Variants in LY9 observed in about 807,000 individuals in gnomAD.
LY9 encodes the protein lymphocyte antigen 9.
LY9 carries 59 observed loss-of-function variants against 64.6 expected under a neutral mutation model. That is an observed-to-expected ratio of 0.91 (90% CI 0.74 to 1.13). The LOEUF (loss-of-function observed/expected upper bound fraction) is 1.13, where lower values mean the gene tolerates loss of function less well. Among genes scored for constraint, LY9 ranks in the 50% most tolerant of loss-of-function variants. The pLI is 0.00. For synonymous variants in LY9, 281 were observed against 308.5 expected, an observed-to-expected ratio of 0.91 and a Z score of 0.93; for missense variants, 789 against 797.2, an observed-to-expected ratio of 0.99 and a Z score of 0.12.
In LY9 at chr1:160,818,291, C is replaced by T; in HGVS notation, c.1416C>T (p.Ser472=). 1.2e-6 allele frequency: 2 copies of T among 1,614,036 alleles called. No homozygotes were observed. The highest frequency in any genetic ancestry group is 1.7e-5 in the Admixed American group (1 of 60,012). Residue 472 remains serine (S), a synonymous_variant, in exon 6 of 10, where the codon AGC becomes AGT. Transcript: ENST00000263285. ...GCCTTCTGTGCGTTGGGATCTTCAG[C>T]TGGTGCATTTGGAAGCGAAAAGGAC... ...MVCLLCVGIF[S]WCIWKRKGRC...
At chr1:160,807,486 T>C (rs1667086488) in intron 2 of LY9, among the ~76,000 whole-genome samples, 1 of 152,198 alleles carries the variant, frequency 6.6e-6, no homozygotes, top group Non-Finnish European at 1.5e-5. Context: ...CAAGGCAGTG[T>C]ATGCTGTCAC....
chr1:160,796,871 G>T (rs1445132879), intron 1 of LY9, among the ~76,000 whole-genome samples: 1 of 151,230 alleles, frequency 6.6e-6, no homozygotes, highest in Non-Finnish European at 1.5e-5. Flanking sequence ...TCCCTGTATG[G>T]TGTGGATAAA....
At position 160,823,540 on chromosome 1, in the gene LY9, C is replaced by A; in HGVS notation, c.1574C>A (p.Ala525Asp). Reference protein sequence around the residue: ...YEKLDTPLRPARQQPTPTSDS... With the variant: ...YEKLDTPLRPDRQQPTPTSDS... Reference sequence around the variant, plus strand: ...AAGCTGGACACTCCCCTCAGGCCTGCCAGGCAACAGCCTACACCCACCTCA... The same window carrying A: ...AAGCTGGACACTCCCCTCAGGCCTGACAGGCAACAGCCTACACCCACCTCA... Residue 525 changes from alanine to aspartate, a missense_variant, in exon 8 of 10, where the codon GCC becomes GAC. Ala to Asp is a moderately radical substitution (Grantham distance 126). Transcript: ENST00000263285. The A allele has an allele frequency of 6.2e-7, 1 of 1,614,180 alleles. No homozygotes were observed. Among genetic ancestry groups the A allele is most frequent in the Non-Finnish European group, 8.5e-7 (1 of 1,179,998 alleles).
At chr1:160,801,696 C>A (rs1666492535) in intron 2 of LY9, 1 of 936,886 alleles carries the variant, frequency 1.1e-6, no homozygotes, top group Non-Finnish European at 1.7e-6. Context: ...GTCTTACATT[C>A]AAGTCTTTTA....
At chr1:160,822,299 A>G (rs550344527) in intron 7 of LY9, among the ~76,000 whole-genome samples, 1 of 152,162 alleles carries the variant, frequency 6.6e-6, no homozygotes, top group South Asian at 2.1e-4. Context: ...CAGTTTGAGG[A>G]GGCGGTGTCT....
At chr1:160,806,240 C>T (rs1666981689) in intron 2 of LY9, among the ~76,000 whole-genome samples, 1 of 151,984 alleles carries the variant, frequency 6.6e-6, no homozygotes, top group Non-Finnish European at 1.5e-5. Flanking sequence ...CTCATATATT[C>T]TTTGTTTCTT....
rs144864524 is a variant in LY9, at chr1:160,825,727, T to C, written c.1899+1478T>C. On this transcript the variant is annotated intron_variant, in intron 9 of 9. Coordinates refer to ENST00000263285, the MANE Select transcript of LY9 (RefSeq NM_002348.4). ...GAGTTCAAGACCAGCCTGGCCAACA[T>C]GGTAAAACCCCATCTCTACTAAAAA... 4.7e-3 allele frequency among the ~76,000 whole-genome samples: 711 copies of C among 152,254 alleles called. 4 individuals carry two copies. Among genetic ancestry groups the C allele is most frequent in the African/African-American group, 0.016 (668 of 41,544 alleles).
chr1:160,802,281 G>T (rs1666569987), intron 2 of LY9: 1 of 1,007,984 alleles, frequency 9.9e-7, no homozygotes, highest in South Asian at 4.2e-5. Context: ...GACTCCTCGG[G>T]CAGCATGCGG....
chr1:160,825,440 C>A (rs1293881668), intron 9 of LY9, among the ~76,000 whole-genome samples: 3 of 152,100 alleles, frequency 2.0e-5, no homozygotes, highest in African/African-American at 7.2e-5. Context: ...CTTGGAAGTT[C>A]CAGTATTAAG....
chr1:160,796,953 T>A (rs1665939236), intron 1 of LY9, among the ~76,000 whole-genome samples: 1 of 152,142 alleles, frequency 6.6e-6, no homozygotes, highest in Admixed American at 6.5e-5. Context: ...GGAGAGAACT[T>A]CTGGAGCTTC....
intron 2 of LY9, 99 bp downstream of exon 2, chr1:160,800,181 T>C (rs1666310017): frequency 4.6e-6 from 4 of 860,482 alleles, no homozygotes; most frequent in South Asian, 1.7e-5. Flanking sequence ...ATATAGTGCA[T>C]ACTGATCAAG....
At chr1:160,821,001 A>C (rs1557815776) in intron 7 of LY9, among the ~76,000 whole-genome samples, 1 of 151,896 alleles carries the variant, frequency 6.6e-6, no homozygotes, top group Non-Finnish European at 1.5e-5. Flanking sequence ...AAAAATATAA[A>C]AATTAGCCAG....
Position 160,816,730 on chromosome 1 carries a change from T to G in LY9, c.1209T>G (p.Ala403=). Residue 403 remains alanine, a synonymous_variant, in exon 5 of 10, where the codon GCT becomes GCG. Transcript: ENST00000263285. The part of the protein sequence containing the change: ...MYTWTPLQKE[A]VVSQGESHLN... Reference sequence around the variant, plus strand: ...CATGGACCCCGCTGCAGAAGGAAGCTGTTGTGTCCCAAGGGGAATCACACC... The same window carrying G: ...CATGGACCCCGCTGCAGAAGGAAGCGGTTGTGTCCCAAGGGGAATCACACC... 6.2e-7 allele frequency: 1 copy of G among 1,614,246 alleles called. No individual in the cohort carries two copies. The highest frequency in any genetic ancestry group is 8.5e-7 in the Non-Finnish European group (1 of 1,180,044).
intron 2 of LY9, among the ~76,000 whole-genome samples, chr1:160,809,059 C>T (rs1158212838): frequency 6.6e-6 from 1 of 152,026 alleles, no homozygotes; most frequent in African/African-American, 2.4e-5. Context: ...AATATTTCCT[C>T]TTATAAACAA....
chr1:160,827,086 G>A (rs887612337), intron 9 of LY9, among the ~76,000 whole-genome samples: 2 of 152,184 alleles, frequency 1.3e-5, no homozygotes, highest in African/African-American at 4.8e-5. Context: ...CTTCAGAATT[G>A]TCAGGACCAG....
At chr1:160,816,351 T>G (rs543754799) in intron 4 of LY9, among the ~76,000 whole-genome samples, 1 of 152,306 alleles carries the variant, frequency 6.6e-6, no homozygotes, top group Non-Finnish European at 1.5e-5. Context: ...GTGTCTTTCT[T>G]TCTTCACTTT....
intron 2 of LY9, chr1:160,810,825 TC>T (rs1413615035): frequency 2.6e-5 from 4 of 152,176 alleles, no homozygotes; most frequent in African/African-American, 9.7e-5. Context: ...AAATTCTTCT[TC>T]AGTTGTGAAC....
rs771570485 is a variant in LY9, at chr1:160,813,911, GGT to G, written c.730+1_730+2del. The G allele has an allele frequency of 3.7e-6, 6 of 1,610,140 alleles. No individual in the cohort carries two copies. Among genetic ancestry groups the G allele is most frequent in the Non-Finnish European group, 3.4e-6 (4 of 1,178,076 alleles). The stretch of plus-strand genomic sequence containing the variant: ...TGTCCATGTTGGGCAGTTCTGTACA[GGT>G]AACTGGCTCCAACTTGGCCCTTGAG... On this transcript the variant is annotated splice_donor_variant, in intron 3 of 9. Transcript: ENST00000263285. LOFTEE classifies it high-confidence loss of function.
In LY9 at chr1:160,823,556, A is replaced by C; in HGVS notation, c.1590A>C (p.Thr530=). The C allele has an allele frequency of 6.2e-7, 1 of 1,614,170 alleles. No homozygotes were observed. Among genetic ancestry groups the C allele is most frequent in the Non-Finnish European group, 8.5e-7 (1 of 1,180,000 alleles). ...TPLRPARQQP[T]PTSDSSSDSN... ...TCAGGCCTGCCAGGCAACAGCCTAC[A>C]CCCACCTCAGACAGCAGCTCTGACA... Residue 530 remains threonine (T), a synonymous_variant, in exon 8 of 10, where the codon ACA becomes ACC. Transcript: ENST00000263285.
Sources: allele counts gnomAD v4.1 joint callset (sites outside exome capture counted in the v4.1 genomes callset), GRCh38; gene constraint gnomAD v4.1.1; transcripts MANE v1.5; gene names NCBI Gene and HGNC (gene_info 2026-07-23, HGNC 2026-07-21).